ESRRB: variants seen among roughly 807,000 people sequenced by gnomAD.
ESRRB encodes steroid hormone receptor ERR2.
In ESRRB, 16 loss-of-function variants were observed where a neutral mutation model predicts 46.0. That is an observed-to-expected ratio of 0.35 (90% CI 0.24 to 0.53). The LOEUF is 0.53. ESRRB is among the 20% of genes least tolerant of loss of function. The pLI is 0.93. For synonymous variants in ESRRB, 246 were observed against 259.6 expected (o/e 0.95, Z 0.50); for missense variants, 488 against 607.4 (o/e 0.80, Z 2.07).
intron 1 of ESRRB, among the ~76,000 whole-genome samples, chr14:76,349,640 G>A (rs1164733715): frequency 6.6e-6 from 1 of 152,090 alleles, no homozygotes; most frequent in Non-Finnish European, 1.5e-5. Flanking sequence ...CCTAGTGGGT[G>A]GTAAGAGAAG....
At chr14:76,476,169 G>C in intron 3 of ESRRB, among the ~76,000 whole-genome samples, 1 of 151,946 alleles carries the variant, frequency 6.6e-6, no homozygotes, top group East Asian at 1.9e-4. Flanking sequence ...CGTCTGCACA[G>C]GGTCATGTAT....
chr14:76,484,600 C>A (rs985939001), intron 5 of ESRRB, among the ~76,000 whole-genome samples: 6 of 152,220 alleles, frequency 3.9e-5, no homozygotes, highest in Admixed American at 2.6e-4. Flanking sequence ...ATGCTTCCTT[C>A]TTCCACAACC....
chr14:76,405,355 G>A (rs552266219), intron 1 of ESRRB, among the ~76,000 whole-genome samples: 9 of 152,060 alleles, frequency 5.9e-5, no homozygotes, highest in East Asian at 5.8e-4. Context: ...CTAGCAATAC[G>A]CCTGCTTCGG....
chr14:76,458,142 A>G (rs1004271406), intron 2 of ESRRB, among the ~76,000 whole-genome samples: 2 of 152,062 alleles, frequency 1.3e-5, no homozygotes, highest in African/African-American at 4.8e-5. Flanking sequence ...TATGCTAACC[A>G]TTGGCCATGT....
chr14:76,376,669 C>T lies in ESRRB; in HGVS notation c.50+218C>T, dbSNP rs1884778735. On this transcript the variant is annotated intron_variant, in intron 1 of 6. Transcript: ENST00000644823. This position sits in a 1 kb window ranked among gnomAD's most constrained non-coding sequence, Gnocchi z 4.1. ...TTTTCCCGCACCCCCTTTTACAAATCCACACTTTCAGGCAAGAGTGGCGCT... is the reference window on the plus strand; with the variant it reads ...TTTTCCCGCACCCCCTTTTACAAATTCACACTTTCAGGCAAGAGTGGCGCT... Among the ~76,000 whole-genome samples, 1 of 152,198 alleles carries T rather than the reference C, an allele frequency of 6.6e-6. No homozygotes were observed. The highest frequency in any genetic ancestry group is 2.4e-5 in the African/African-American group (1 of 41,446).
chr14:76,417,514 T>C (rs961712886), intron 1 of ESRRB, among the ~76,000 whole-genome samples: 1 of 152,186 alleles, frequency 6.6e-6, no homozygotes, highest in African/African-American at 2.4e-5. Flanking sequence ...GTGTTATTAA[T>C]CAACATCAAT....
intron 1 of ESRRB, among the ~76,000 whole-genome samples, chr14:76,431,511 C>T (rs1412887726): frequency 6.6e-6 from 1 of 152,188 alleles, no homozygotes; most frequent in Non-Finnish European, 1.5e-5. Flanking sequence ...CCCCAGCAAG[C>T]TCGGTGTCCC....
chr14:76,327,233 G>A (rs992307588), intron 1 of ESRRB, among the ~76,000 whole-genome samples: 4 of 152,366 alleles, frequency 2.6e-5, no homozygotes, highest in Middle Eastern at 6.8e-3. Flanking sequence ...CCAGGGCTGG[G>A]GACCCACGTG....
intron 1 of ESRRB, among the ~76,000 whole-genome samples, chr14:76,318,831 G>C (rs1883832675): frequency 1.3e-5 from 2 of 152,294 alleles, no homozygotes; most frequent in Non-Finnish European, 2.9e-5. Context: ...ATTCCTCCCA[G>C]AGTCCCCCGG....
intron 1 of ESRRB, among the ~76,000 whole-genome samples, chr14:76,393,967 A>ATTT (rs71122531): frequency 0.013 from 1,648 of 126,916 alleles, 29 homozygotes; most frequent in East Asian, 0.041. Context: ...TGCCTGGCTA[A>ATTT]TTTTTTTTTT....
intron 1 of ESRRB, among the ~76,000 whole-genome samples, chr14:76,363,711 G>T (rs1485567513): frequency 6.6e-6 from 1 of 152,142 alleles, no homozygotes; most frequent in South Asian, 2.1e-4. Flanking sequence ...TCCATCAATT[G>T]GTTGGACCTA....
chr14:76,439,583 A>C lies in ESRRB; in HGVS notation c.293A>C (p.Glu98Ala), dbSNP rs1168237278. ...LGGTPCRKSY[E>A]DCASGIMEDS... Reference sequence around the variant, plus strand: ...GGCACCCCATGCCGCAAGAGCTACGAGGACTGTGCCAGCGGCATCATGGAG... The same window carrying C: ...GGCACCCCATGCCGCAAGAGCTACGCGGACTGTGCCAGCGGCATCATGGAG... The change falls in exon 2 of 7, where the codon GAG becomes GCG. Residue 98 changes from glutamate (E) to alanine (A), a missense_variant. Coordinates refer to ENST00000644823, the MANE Select transcript of ESRRB (RefSeq NM_001379180.1). 6.2e-7 allele frequency: 1 copy of C among 1,614,192 alleles called. No individual in the cohort carries two copies. Among genetic ancestry groups the C allele is most frequent in the Admixed American group, 1.7e-5 (1 of 60,036 alleles).
chr14:76,499,020 A>G lies in ESRRB; in HGVS notation c.*562A>G, dbSNP rs1252316183. 6 of 359,670 alleles carry G rather than the reference A, an allele frequency of 1.7e-5. No individual in the cohort carries two copies. The highest frequency in any genetic ancestry group is 1.1e-4 in the African/African-American group (5 of 46,930). 22.3% of individuals were successfully genotyped at this position (359,670 alleles called of 1,614,324 possible). ...CTTCCACAGTTTCCACTCAGCTTTC[A>G]GCCAGGGGGTACCCACAGGAGAGCA... On this transcript the variant is annotated 3_prime_UTR_variant, in exon 7 of 7. Transcript: ENST00000644823.
chr14:76,355,924 A>G (rs1336478533), intron 1 of ESRRB, among the ~76,000 whole-genome samples: 1 of 152,106 alleles, frequency 6.6e-6, no homozygotes, highest in African/African-American at 2.4e-5. Context: ...TGTGCAGAGG[A>G]TCAGATGACC....
At chr14:76,390,220 G>A (rs1377015095) in intron 1 of ESRRB, among the ~76,000 whole-genome samples, 1 of 152,200 alleles carries the variant, frequency 6.6e-6, no homozygotes, top group Non-Finnish European at 1.5e-5. Flanking sequence ...TGAGTGCGGT[G>A]GCTCACGCCT....
At chr14:76,408,591 C>CAAAAAAAAAAAAAAAA (rs35955826) in intron 1 of ESRRB, among the ~76,000 whole-genome samples, 2 of 42,152 alleles carry the variant, frequency 4.7e-5, no homozygotes, top group African/African-American at 2.1e-4. Context: ...GACCCTGTCT[C>CAAAAAAAAAAAAAAAA]AAAAAAAAAA....
chr14:76,409,923 C>A (rs1886361139), intron 1 of ESRRB, among the ~76,000 whole-genome samples: 2 of 152,128 alleles, frequency 1.3e-5, no homozygotes, highest in Admixed American at 1.3e-4. Flanking sequence ...GAGAATGAAG[C>A]AAACTTCTAA....
At chr14:76,325,777 G>T (rs1345412595) in intron 1 of ESRRB, among the ~76,000 whole-genome samples, 1 of 152,236 alleles carries the variant, frequency 6.6e-6, no homozygotes, top group Non-Finnish European at 1.5e-5. Flanking sequence ...GAACACTGGA[G>T]TGGCTGAAGG....
intron 3 of ESRRB, among the ~76,000 whole-genome samples, chr14:76,467,796 C>T (rs1217116851): frequency 7.2e-5 from 11 of 152,112 alleles, no homozygotes; most frequent in Admixed American, 6.5e-4. Context: ...AGGGGCTCCC[C>T]GAGGCCTCAG....
Sources: gnomAD v4.1 joint callset for allele counts (sites outside exome capture counted in the v4.1 genomes callset) on GRCh38, gnomAD v4.1.1 for gene constraint, Gnocchi (gnomAD v3.1) non-coding constraint, MANE v1.5 for transcripts, NCBI Gene and HGNC (gene_info 2026-07-23, HGNC 2026-07-21) for gene names.